GRIN2B: variants seen among roughly 807,000 people sequenced by gnomAD.
The protein encoded by GRIN2B is glutamate receptor ionotropic, NMDA 2B.
Under a neutral mutation model 114.5 loss-of-function variants are expected in GRIN2B, and 5 were observed. That is an observed-to-expected ratio of 0.04 (90% confidence interval 0.02 to 0.09). The LOEUF is 0.09. Among genes scored for constraint, GRIN2B ranks in the 10% least tolerant of loss-of-function variants. GRIN2B has a pLI of 1.00. For synonymous variants in GRIN2B, 787 were observed against 745.1 expected, an observed-to-expected ratio of 1.06 and a Z score of -0.92; for missense variants, 1,108 against 1,943.5, an observed-to-expected ratio of 0.57 and a Z score of 8.08.
At chr12:13,710,630 T>C (rs896996682) in intron 4 of GRIN2B, among the ~76,000 whole-genome samples, 2 of 152,072 alleles carry the variant, frequency 1.3e-5, no homozygotes, top group African/African-American at 4.8e-5. Context: ...CCATTTGCAA[T>C]TGCTTCAAAG....
At chr12:13,941,187 A>G in intron 2 of GRIN2B, among the ~76,000 whole-genome samples, 1 of 152,152 alleles carries the variant, frequency 6.6e-6, no homozygotes, top group Non-Finnish European at 1.5e-5. Flanking sequence ...TGACCAAAAC[A>G]GTACTGCTAG....
At chr12:13,739,143 G>A (rs1301935747) in intron 4 of GRIN2B, among the ~76,000 whole-genome samples, 4 of 152,050 alleles carry the variant, frequency 2.6e-5, no homozygotes, top group African/African-American at 9.7e-5. Flanking sequence ...CACTTTGGGA[G>A]GCCAAGACAG....
Position 13,555,543 on chromosome 12 carries a change from A to T in GRIN2B, c.*7240T>A, listed in dbSNP as rs149220077. 6.6e-6 allele frequency: 1 copy of T among 152,210 alleles called. No individual in the cohort carries two copies. Among genetic ancestry groups the T allele is most frequent in the Non-Finnish European group, 1.5e-5 (1 of 68,048 alleles). 9.4% of individuals were successfully genotyped at this position (152,210 alleles called of 1,614,324 possible). On this transcript the variant is annotated 3_prime_UTR_variant, in exon 14 of 14. Transcript: ENST00000609686. Reference sequence around the variant, plus strand: ...GGTAGATGTGTGGAAGGAATTAAAGATGCAAAAGAGAGAAATACAATTGGC... The same window carrying T: ...GGTAGATGTGTGGAAGGAATTAAAGTTGCAAAAGAGAGAAATACAATTGGC...
rs1296770345 is a variant in GRIN2B, at chr12:13,543,479, A to G, written c.*19304T>C. 2 of 152,166 alleles carry G rather than the reference A, an allele frequency of 1.3e-5. No individual in the cohort carries two copies. The highest frequency in any genetic ancestry group is 4.8e-5 in the African/African-American group (2 of 41,418). The allele number at this position is 152,166 out of a possible 1,614,324, so 9.4% of individuals were successfully genotyped here. A position where few individuals can be genotyped will look rare whatever the true frequency, so the allele number is the denominator to read the frequency against. ...ACACACTGCAGTTGCCCTTGACTCCACATCTCTTGCTTTCATTATATTCAC... is the reference window on the plus strand; with the variant it reads ...ACACACTGCAGTTGCCCTTGACTCCGCATCTCTTGCTTTCATTATATTCAC... On this transcript the variant is annotated 3_prime_UTR_variant, in exon 14 of 14. Transcript: ENST00000609686.
At chr12:13,802,755 T>C (rs1361460952) in intron 3 of GRIN2B, among the ~76,000 whole-genome samples, 1 of 152,202 alleles carries the variant, frequency 6.6e-6, no homozygotes, top group African/African-American at 2.4e-5. Context: ...TTTTATATAT[T>C]GCACATTGAG....
chr12:13,636,228 A>G (rs1487925755), intron 5 of GRIN2B, among the ~76,000 whole-genome samples: 3 of 152,172 alleles, frequency 2.0e-5, no homozygotes, highest in Non-Finnish European at 4.4e-5. Flanking sequence ...TGGAGTGTCT[A>G]AGGAATAGCA....
chr12:13,828,455 C>T (rs938499525), intron 3 of GRIN2B, among the ~76,000 whole-genome samples: 3 of 152,102 alleles, frequency 2.0e-5, no homozygotes, highest in Non-Finnish European at 4.4e-5. Context: ...TGAGCAAAAA[C>T]TCAAAAGGAA....
At position 13,606,814 on chromosome 12, in the gene GRIN2B, A is replaced by T. The variant is rs140686130; in HGVS notation, c.2010+1789T>A. ...GGAACAATAAGAGAGGGGTTTAAAA[A>T]TGGGTTAATACATGGATGATATATA... On this transcript the variant is annotated intron_variant, in intron 10 of 13. Coordinates refer to ENST00000609686, the MANE Select transcript of GRIN2B (RefSeq NM_000834.5). 8.0e-3 allele frequency among the ~76,000 whole-genome samples: 1,214 copies of T among 152,274 alleles called. 17 individuals are homozygous for T. The highest frequency in any genetic ancestry group is 0.027 in the African/African-American group (1,138 of 41,534).
intron 10 of GRIN2B, among the ~76,000 whole-genome samples, chr12:13,581,566 A>G (rs544395373): frequency 6.6e-6 from 1 of 152,342 alleles, no homozygotes; most frequent in Non-Finnish European, 1.5e-5. Flanking sequence ...TCCATGGCCC[A>G]TAAGTGCTTG....
At chr12:13,972,630 A>G (rs10505778) in intron 2 of GRIN2B, among the ~76,000 whole-genome samples, 49,280 of 152,168 alleles carry the variant, frequency 0.32, 8,942 homozygotes, top group East Asian at 0.58. Flanking sequence ...GGGAAAGGAA[A>G]GTACTGAAAT....
intron 4 of GRIN2B, among the ~76,000 whole-genome samples, chr12:13,711,759 A>T (rs1410315476): frequency 6.6e-6 from 1 of 152,150 alleles, no homozygotes; most frequent in East Asian, 1.9e-4. Flanking sequence ...GGAAAATTGG[A>T]ACACTTTTAC....
chr12:13,590,961 G>A (rs1214199264), intron 10 of GRIN2B, among the ~76,000 whole-genome samples: 1 of 152,088 alleles, frequency 6.6e-6, no homozygotes, highest in Non-Finnish European at 1.5e-5. Flanking sequence ...GTGCCTAGGA[G>A]GATGCTGGGA....
At chr12:13,672,823 A>C (rs1202851365) in intron 5 of GRIN2B, among the ~76,000 whole-genome samples, 1 of 150,884 alleles carries the variant, frequency 6.6e-6, no homozygotes, top group African/African-American at 2.4e-5. Flanking sequence ...TGATCTACAA[A>C]AATTCAATCT....
intron 4 of GRIN2B, among the ~76,000 whole-genome samples, chr12:13,712,137 C>G (rs899787467): frequency 1.3e-5 from 2 of 151,280 alleles, no homozygotes; most frequent in East Asian, 3.9e-4. Flanking sequence ...GACGGAAAAA[C>G]CAAACACCAC....
intron 2 of GRIN2B, among the ~76,000 whole-genome samples, chr12:13,926,355 C>T (rs1234697494): frequency 1.3e-5 from 2 of 152,148 alleles, no homozygotes; most frequent in African/African-American, 4.8e-5. Flanking sequence ...GCTATCGACC[C>T]TTGCCTGGTG....
intron 5 of GRIN2B, among the ~76,000 whole-genome samples, chr12:13,633,400 G>A (rs1949634245): frequency 1.3e-5 from 2 of 152,192 alleles, no homozygotes; most frequent in African/African-American, 2.4e-5. Flanking sequence ...TTCCAAAAGT[G>A]AGTCTTTGGA....
intron 5 of GRIN2B, among the ~76,000 whole-genome samples, chr12:13,635,665 A>C (rs941233155): frequency 3.9e-5 from 6 of 152,196 alleles, no homozygotes; most frequent in African/African-American, 1.4e-4. Context: ...TGGTGCCCTG[A>C]ATCTAGCCAT....
intron 3 of GRIN2B, among the ~76,000 whole-genome samples, chr12:13,865,032 T>G: frequency 6.6e-6 from 1 of 152,232 alleles, no homozygotes; most frequent in East Asian, 1.9e-4. Flanking sequence ...ATATGTGTGA[T>G]GAGCGTTAAT....
chr12:13,710,305 T>C (rs577208642), intron 4 of GRIN2B, among the ~76,000 whole-genome samples: 2 of 152,254 alleles, frequency 1.3e-5, no homozygotes, highest in South Asian at 2.1e-4. Context: ...AGCATTCCCT[T>C]TGAAAACTGG....
Sources: gnomAD v4.1 joint callset for allele counts (sites outside exome capture counted in the v4.1 genomes callset) on GRCh38, gnomAD v4.1.1 for gene constraint, MANE v1.5 for transcripts, NCBI Gene and HGNC (gene_info 2026-07-23, HGNC 2026-07-21) for gene names.